Variants in ARHGEF28 observed in about 807,000 individuals in gnomAD.
ARHGEF28 encodes the protein 190 kDa guanine nucleotide exchange factor.
ARHGEF28 carries 152 observed loss-of-function variants against 206.6 expected under a neutral mutation model. The observed-to-expected ratio is 0.74, with a 90% CI of 0.64 to 0.84. ARHGEF28 has a LOEUF of 0.84. ARHGEF28 is among the 40% of genes least tolerant of loss of function. ARHGEF28 has a pLI of 0.00. For missense variants in ARHGEF28, 2,028 were observed against 2,073.2 expected (o/e 0.98, Z 0.42); for synonymous variants, 763 against 776.4 (o/e 0.98, Z 0.29).
intron 35 of ARHGEF28, among the ~76,000 whole-genome samples, chr5:73,930,205 A>G (rs1363081529): frequency 2.6e-5 from 4 of 152,218 alleles, no homozygotes; most frequent in Non-Finnish European, 5.9e-5. Flanking sequence ...GTTGTACAAT[A>G]TAACTATCAG....
At chr5:73,735,233 TAAATTA>T (rs1750850078) in intron 2 of ARHGEF28, among the ~76,000 whole-genome samples, 1 of 151,190 alleles carries the variant, frequency 6.6e-6, no homozygotes, top group Admixed American at 6.6e-5. Context: ...TTTTATTAAT[TAAATTA>T]AAATTAATTA....
chr5:73,712,981 C>T (rs893698849), intron 2 of ARHGEF28, among the ~76,000 whole-genome samples: 1 of 151,992 alleles, frequency 6.6e-6, no homozygotes, highest in Non-Finnish European at 1.5e-5. Context: ...CTTTATTCAC[C>T]ATTTATTGTG....
chr5:73,677,760 G>T (rs927523766), intron 1 of ARHGEF28, among the ~76,000 whole-genome samples: 3 of 152,166 alleles, frequency 2.0e-5, no homozygotes, highest in African/African-American at 4.8e-5. Flanking sequence ...GTGTACTAAG[G>T]CCCCAAGTCA....
intron 35 of ARHGEF28, among the ~76,000 whole-genome samples, chr5:73,921,017 C>T (rs765458875): frequency 5.1e-4 from 78 of 152,266 alleles, no homozygotes; most frequent in Non-Finnish European, 1.0e-3. Context: ...GCCAGTTCAA[C>T]ATCAATGAAA....
intron 22 of ARHGEF28, among the ~76,000 whole-genome samples, chr5:73,881,729 A>T (rs1760965637): frequency 6.6e-6 from 1 of 152,230 alleles, no homozygotes; most frequent in African/African-American, 2.4e-5. Context: ...CAGTCTAAAA[A>T]AATGGCATTC....
chr5:73,722,676 T>C (rs1275486190), intron 2 of ARHGEF28, among the ~76,000 whole-genome samples: 3 of 152,244 alleles, frequency 2.0e-5, no homozygotes, highest in Non-Finnish European at 4.4e-5. Context: ...GAGAGTTTAA[T>C]CTCCAGAAAA....
At chr5:73,813,116 C>T (rs1486554860) in intron 9 of ARHGEF28, among the ~76,000 whole-genome samples, 1 of 152,108 alleles carries the variant, frequency 6.6e-6, no homozygotes, top group African/African-American at 2.4e-5. Context: ...TTATCTAACA[C>T]GGCACCGGGT....
chr5:73,772,640 A>C (rs1408571100), intron 4 of ARHGEF28, among the ~76,000 whole-genome samples: 2 of 152,160 alleles, frequency 1.3e-5, no homozygotes, highest in East Asian at 3.9e-4. Context: ...TGGCCTCCCA[A>C]AGTGCTGGGA....
chr5:73,752,169 C>T (rs1445863250), intron 3 of ARHGEF28, among the ~76,000 whole-genome samples: 3 of 151,280 alleles, frequency 2.0e-5, no homozygotes, highest in South Asian at 4.1e-4. Flanking sequence ...GAAAAATCTG[C>T]CAAGGGCAGC....
In ARHGEF28 at chr5:73,935,709, T is replaced by A. The variant is rs186262199; in HGVS notation, c.4949-5135T>A. Reference sequence around the variant, plus strand: ...GTAATGATAAAGCCCCCCGCCTTTTTTTAAGTAGAGTTATTCTAGGAAAGT... The same window carrying A: ...GTAATGATAAAGCCCCCCGCCTTTTATTAAGTAGAGTTATTCTAGGAAAGT... On this transcript the variant is annotated intron_variant, in intron 35 of 35. Transcript: ENST00000513042. Among the ~76,000 whole-genome samples, 3 of 152,304 alleles carry A rather than the reference T, an allele frequency of 2.0e-5. No homozygotes were observed. In the East Asian group the frequency reaches 5.8e-4, roughly 29 times the overall value.
At chr5:73,901,369 A>T (rs367725893) in intron 31 of ARHGEF28, 85 bp downstream of exon 31, 2 of 1,074,872 alleles carry the variant, frequency 1.9e-6, no homozygotes, top group African/African-American at 1.6e-5. Flanking sequence ...CACGGCAGTC[A>T]GTGGGGCAAA....
At chr5:73,805,203 T>C (rs1755368001) in intron 9 of ARHGEF28, among the ~76,000 whole-genome samples, 1 of 152,192 alleles carries the variant, frequency 6.6e-6, no homozygotes, top group African/African-American at 2.4e-5. Context: ...ATATCTTTTT[T>C]TTAGGGTGGT....
chr5:73,846,692 A>G (rs1287129560), intron 12 of ARHGEF28, among the ~76,000 whole-genome samples: 1 of 152,264 alleles, frequency 6.6e-6, no homozygotes, highest in African/African-American at 2.4e-5. Context: ...TTACATTTTC[A>G]TTAATTCACC....
intron 7 of ARHGEF28, among the ~76,000 whole-genome samples, chr5:73,793,060 A>C (rs143934266): frequency 1.3e-5 from 2 of 152,192 alleles, no homozygotes; most frequent in Non-Finnish European, 2.9e-5. Context: ...TGACCACACA[A>C]AATTGGGGTT....
At chr5:73,813,446 C>G (rs1162809186) in intron 9 of ARHGEF28, 2 of 1,420,236 alleles carry the variant, frequency 1.4e-6, no homozygotes, top group Admixed American at 2.7e-5. Context: ...TTGCCTTTCC[C>G]TCCCTGGTGT....
chr5:73,832,552 C>T, intron 10 of ARHGEF28, 93 bp downstream of exon 10: 1 of 1,478,460 alleles, frequency 6.8e-7, no homozygotes, highest in South Asian at 1.3e-5. Flanking sequence ...GTTCCTTTGA[C>T]AATTTTAGCC....
At chr5:73,867,247 G>C (rs1454055528) in intron 18 of ARHGEF28, among the ~76,000 whole-genome samples, 1 of 152,108 alleles carries the variant, frequency 6.6e-6, no homozygotes, top group Non-Finnish European at 1.5e-5. Flanking sequence ...GCTATAATAT[G>C]GGACCGAAAT....
chr5:73,927,638 C>T (rs1763893813), intron 35 of ARHGEF28, among the ~76,000 whole-genome samples: 2 of 152,112 alleles, frequency 1.3e-5, no homozygotes, highest in African/African-American at 2.4e-5. Context: ...GGACTATAGG[C>T]ACGAGCCACA....
chr5:73,809,062 G>A (rs1755677942), intron 9 of ARHGEF28, among the ~76,000 whole-genome samples: 1 of 152,046 alleles, frequency 6.6e-6, no homozygotes, highest in South Asian at 2.1e-4. Context: ...GACCAGCCTG[G>A]CCATGGTGCA....
Sources: gnomAD v4.1 joint callset for allele counts (sites outside exome capture counted in the v4.1 genomes callset) on GRCh38, gnomAD v4.1.1 for gene constraint, MANE v1.5 for transcripts, NCBI Gene and HGNC (gene_info 2026-07-23, HGNC 2026-07-21) for gene names.